The following WDR64 variants were observed in gnomAD, a reference collection of about 807,000 sequenced individuals.
The protein encoded by WDR64 is WD repeat domain 64.
WDR64 carries 112 observed loss-of-function variants against 139.3 expected under a neutral mutation model. That is an observed-to-expected ratio of 0.80 (90% CI 0.69 to 0.94). The LOEUF (loss-of-function observed/expected upper bound fraction) is 0.94. WDR64 is among the 40% of genes least tolerant of loss of function. The pLI, the probability that WDR64 is intolerant of heterozygous loss-of-function variation, is 0.00. For synonymous variants in WDR64, 444 were observed against 437.7 expected (o/e 1.01, Z -0.18); for missense variants, 1,206 against 1,293.1 (o/e 0.93, Z 1.03).
At chr1:241,758,826 C>T (rs370716751) in intron 15 of WDR64, among the ~76,000 whole-genome samples, 9 of 152,160 alleles carry the variant, frequency 5.9e-5, no homozygotes, top group African/African-American at 2.2e-4. Context: ...CCAATATATT[C>T]TACTTCTTTT....
At position 241,674,999 on chromosome 1, in the gene WDR64, CCCTCT is replaced by C. The variant is rs1666435257; in HGVS notation, c.483+254_483+258del. 1.4e-4 allele frequency among the ~76,000 whole-genome samples: 6 copies of C among 42,154 alleles called. 2 individuals carry two copies. The highest frequency in any genetic ancestry group is 2.5e-4 in the Non-Finnish European group (4 of 15,894). 27.7% of individuals were successfully genotyped at this position (42,154 alleles called of 152,430 possible). A position where few individuals can be genotyped will look rare whatever the true frequency, so the allele number is the denominator to read the frequency against. ...TTCCTTCTTTCCTCCCTTTCTCCCTCCCTCTCTTCCTTCCTTTCTTCTTCCTTCCC... is the reference window on the plus strand; with the variant it reads ...TTCCTTCTTTCCTCCCTTTCTCCCTCCTTCCTTCCTTTCTTCTTCCTTCCC... On this transcript the variant is annotated intron_variant, in intron 4 of 27. Transcript: ENST00000437684.
chr1:241,707,062 G>A (rs1041266783), intron 8 of WDR64, among the ~76,000 whole-genome samples: 9 of 152,090 alleles, frequency 5.9e-5, no homozygotes, highest in Non-Finnish European at 8.8e-5. Context: ...GTTCACCACA[G>A]CCCCCCTTCT....
At chr1:241,759,587 T>C (rs554767917) in intron 15 of WDR64, among the ~76,000 whole-genome samples, 2 of 152,300 alleles carry the variant, frequency 1.3e-5, no homozygotes, top group African/African-American at 4.8e-5. Flanking sequence ...GCTCCCTCTC[T>C]ACCTTCTTAA....
At chr1:241,676,745 G>GTT (rs11342790) in intron 4 of WDR64, among the ~76,000 whole-genome samples, 8 of 124,328 alleles carry the variant, frequency 6.4e-5, no homozygotes, top group Admixed American at 1.6e-4. Flanking sequence ...AAAATTAATG[G>GTT]TTTTTTTTTT....
chr1:241,793,017 T>C (rs1659252604), intron 25 of WDR64, among the ~76,000 whole-genome samples: 1 of 152,202 alleles, frequency 6.6e-6, no homozygotes, highest in South Asian at 2.1e-4. Flanking sequence ...AATTATGACA[T>C]ATTCATAAAC....
At chr1:241,760,671 T>TTA (rs1670394153) in intron 15 of WDR64, among the ~76,000 whole-genome samples, 1 of 149,638 alleles carries the variant, frequency 6.7e-6, no homozygotes, top group Non-Finnish European at 1.5e-5. Context: ...CACTCACTCA[T>TTA]TATAAGATAA....
In WDR64 at chr1:241,800,507, C is replaced by T. The variant is rs76322139; in HGVS notation, c.3193-625C>T. Among the ~76,000 whole-genome samples, 1,413 of 152,120 alleles carry T rather than the reference C, an allele frequency of 9.3e-3. 21 individuals carry two copies. Among genetic ancestry groups the T allele is most frequent in the African/African-American group, 0.032 (1,336 of 41,478 alleles). On this transcript the variant is annotated intron_variant, in intron 27 of 27. Coordinates refer to ENST00000437684, the MANE Select transcript of WDR64 (RefSeq NM_001367482.1). Reference sequence around the variant, plus strand: ...GCAAAACAAACTTTTATTAGCTGGACGTGGTGACACATGCCTGTGGTCCCA... The same window carrying T: ...GCAAAACAAACTTTTATTAGCTGGATGTGGTGACACATGCCTGTGGTCCCA...
Position 241,656,870 on chromosome 1 carries a change from T to TTGTGTGTG in WDR64, c.146-3626_146-3619dup, listed in dbSNP as rs199635140. On this transcript the variant is annotated intron_variant, in intron 1 of 27. Coordinates refer to ENST00000437684, the MANE Select transcript of WDR64 (RefSeq NM_001367482.1). This position sits in a 1 kb window ranked among gnomAD's most constrained non-coding sequence, Gnocchi z 4.3. ...AAATGTCTCAAGTCTTTGCCAAATG[T>TTGTGTGTG]TGTGTGTGTGTGTGTGTGTGTGTGT... Among the ~76,000 whole-genome samples the TTGTGTGTG allele has an allele frequency of 3.0e-4, 26 of 86,714 alleles. No homozygotes were observed. The East Asian group carries it at 5.8e-3, about 19-fold the overall frequency. 56.9% of individuals were successfully genotyped at this position (86,714 alleles called of 152,430 possible).
intron 12 of WDR64, among the ~76,000 whole-genome samples, chr1:241,741,888 A>G (rs6660811): frequency 0.58 from 88,598 of 152,028 alleles, 27,071 homozygotes; most frequent in African/African-American, 0.78. Flanking sequence ...GAATAAACAC[A>G]GCTAGTTTTC....
At position 241,722,519 on chromosome 1, in the gene WDR64, T is replaced by C. The variant is rs139561997; in HGVS notation, c.1055-778T>C. On this transcript the variant is annotated intron_variant, in intron 9 of 27. Transcript: ENST00000437684. ...GCTGAATAAAGTAAAAAACTAGAAT[T>C]AGTGGACTAATCAATGGACAAGGGG... 4.1e-3 allele frequency among the ~76,000 whole-genome samples: 617 copies of C among 152,250 alleles called. 2 individuals carry two copies. Among genetic ancestry groups the C allele is most frequent in the Non-Finnish European group, 6.1e-3 (412 of 68,010 alleles).
At chr1:241,706,729 T>C (rs1332291053) in intron 8 of WDR64, among the ~76,000 whole-genome samples, 1 of 152,260 alleles carries the variant, frequency 6.6e-6, no homozygotes, top group African/African-American at 2.4e-5. Context: ...AAGCTTTCTA[T>C]CTAGCAGTGA....
At chr1:241,708,452 G>A (rs980267759) in intron 8 of WDR64, among the ~76,000 whole-genome samples, 3 of 152,102 alleles carry the variant, frequency 2.0e-5, no homozygotes, top group Admixed American at 2.0e-4. Flanking sequence ...TAGCTGGGAT[G>A]ACACGCATAC....
intron 24 of WDR64, 106 bp downstream of exon 24, chr1:241,788,140 T>C: frequency 2.0e-6 from 2 of 993,488 alleles, no homozygotes; most frequent in South Asian, 4.4e-5. Context: ...GTCCAGAACT[T>C]TTCAATAATT....
At chr1:241,770,581 C>T in intron 17 of WDR64, 40 bp from the exon 18 acceptor site, 2 of 1,527,618 alleles carry the variant, frequency 1.3e-6, no homozygotes, top group Non-Finnish European at 1.8e-6. Context: ...GGTAGCATAT[C>T]TTAAAGTTTT....
At chr1:241,779,458 TA>T (rs1477151047) in intron 21 of WDR64, among the ~76,000 whole-genome samples, 1 of 152,180 alleles carries the variant, frequency 6.6e-6, no homozygotes, top group Non-Finnish European at 1.5e-5. Context: ...CCCTGATCTC[TA>T]AAAGAACTCT....
intron 6 of WDR64, among the ~76,000 whole-genome samples, chr1:241,679,960 C>G (rs1667223666): frequency 6.6e-6 from 1 of 152,090 alleles, no homozygotes; most frequent in Admixed American, 6.6e-5. Context: ...TTACTAAAAT[C>G]AAATGTCTAA....
At chr1:241,675,060 C>T (rs562149236) in intron 4 of WDR64, among the ~76,000 whole-genome samples, 36 of 92,222 alleles carry the variant, frequency 3.9e-4, no homozygotes, top group African/African-American at 1.5e-3. Flanking sequence ...CCTTTTCTCC[C>T]TTCCTCCTTC....
At chr1:241,674,889 GCTTTTATTTCCTTCCTCTTATTCCT>G (rs2148080751) in intron 4 of WDR64, 142 bp downstream of exon 4, 2 of 121,474 alleles carry the variant, frequency 1.6e-5, no homozygotes, top group African/African-American at 1.1e-4. Flanking sequence ...TTTCCTTCTT[GCTTTTATTTCCTTCCTCTTATTCCT>G]TCCTTCCTTC....
chr1:241,693,093 C>T (rs1667360036), intron 8 of WDR64, among the ~76,000 whole-genome samples: 1 of 152,158 alleles, frequency 6.6e-6, no homozygotes. Flanking sequence ...AACGTATATT[C>T]ACACAAAAAT....
Sources: allele counts gnomAD v4.1 joint callset (sites outside exome capture counted in the v4.1 genomes callset), GRCh38; gene constraint gnomAD v4.1.1; non-coding constraint Gnocchi (gnomAD v3.1); transcripts MANE v1.5; gene names NCBI Gene and HGNC (gene_info 2026-07-23, HGNC 2026-07-21).